Variants in GRID1 observed in about 807,000 individuals in gnomAD.
GRID1 encodes glutamate ionotropic receptor delta type subunit 1, also known as glutamate receptor ionotropic, delta-1.
A neutral mutation model predicts 98.0 loss-of-function variants in GRID1; 28 were observed. The observed-to-expected ratio is 0.29, with a 90% CI of 0.21 to 0.39. The LOEUF (loss-of-function observed/expected upper bound fraction) is 0.39, where lower values mean the gene tolerates loss of function less well. Among genes scored for constraint, GRID1 ranks in the 10% least tolerant of loss-of-function variants. GRID1 has a pLI of 1.00. For missense variants in GRID1, 1,111 were observed against 1,340.5 expected (o/e 0.83, Z 2.67); for synonymous variants, 553 against 538.5 (o/e 1.03, Z -0.37).
intron 8 of GRID1, among the ~76,000 whole-genome samples, chr10:85,778,578 C>A (rs1446460880): frequency 6.6e-6 from 1 of 152,160 alleles, no homozygotes; most frequent in Non-Finnish European, 1.5e-5. Context: ...GAGGAAAAAA[C>A]AAAACAATTT....
At chr10:86,176,325 T>C (rs1845574752) in intron 3 of GRID1, among the ~76,000 whole-genome samples, 1 of 152,038 alleles carries the variant, frequency 6.6e-6, no homozygotes, top group Admixed American at 6.5e-5. Flanking sequence ...AGAACAGAAA[T>C]AGCACAAGGA....
intron 4 of GRID1, among the ~76,000 whole-genome samples, chr10:86,077,869 G>A (rs1412135572): frequency 3.3e-5 from 5 of 152,242 alleles, no homozygotes; most frequent in African/African-American, 1.2e-4. Context: ...GACATTAAGT[G>A]ACTGAAGGGA....
intron 4 of GRID1, among the ~76,000 whole-genome samples, chr10:86,082,630 T>C (rs1168215038): frequency 6.6e-6 from 1 of 151,990 alleles, no homozygotes; most frequent in Non-Finnish European, 1.5e-5. Context: ...GTTCTGGAGG[T>C]GCCCCGTTTC....
chr10:86,035,736 G>A (rs1280688432), intron 4 of GRID1, among the ~76,000 whole-genome samples: 2 of 152,074 alleles, frequency 1.3e-5, no homozygotes, highest in Non-Finnish European at 2.9e-5. Context: ...CAGATAATGA[G>A]CATTAAAGTA....
chr10:86,034,902 G>GTGGATGGA (rs59211171), intron 4 of GRID1, among the ~76,000 whole-genome samples: 5,887 of 143,794 alleles, frequency 0.041, 121 homozygotes, highest in South Asian at 0.055. Context: ...CAATGGATTG[G>GTGGATGGA]TGGATGGATG....
chr10:86,121,885 A>G (rs553992295), intron 4 of GRID1, among the ~76,000 whole-genome samples: 1 of 152,336 alleles, frequency 6.6e-6, no homozygotes, highest in Non-Finnish European at 1.5e-5. Flanking sequence ...AACAACTCCA[A>G]AGGCTAGATA....
At chr10:86,157,223 G>A (rs1343715797) in intron 3 of GRID1, among the ~76,000 whole-genome samples, 2 of 152,168 alleles carry the variant, frequency 1.3e-5, no homozygotes, top group Non-Finnish European at 2.9e-5. Flanking sequence ...TTGAAAACTT[G>A]AGTCCAAACA....
chr10:86,087,593 T>C (rs901417600), intron 4 of GRID1, among the ~76,000 whole-genome samples: 9 of 152,042 alleles, frequency 5.9e-5, no homozygotes, highest in Non-Finnish European at 1.3e-4. Context: ...GCCAGCTCTT[T>C]CTGTTTTCCT....
intron 4 of GRID1, among the ~76,000 whole-genome samples, chr10:86,099,910 T>C (rs973317390): frequency 6.6e-6 from 1 of 151,948 alleles, no homozygotes; most frequent in African/African-American, 2.4e-5. Flanking sequence ...CTGGGAGGGG[T>C]ATCTGGGGCC....
intron 8 of GRID1, among the ~76,000 whole-genome samples, chr10:85,764,739 G>A (rs1842180942): frequency 6.6e-6 from 1 of 152,208 alleles, no homozygotes. Flanking sequence ...AGCTGTTTGT[G>A]AAGCTACAGT....
intron 8 of GRID1, among the ~76,000 whole-genome samples, chr10:85,776,892 T>C (rs1157464700): frequency 3.9e-5 from 6 of 152,180 alleles, no homozygotes; most frequent in Admixed American, 3.9e-4. Flanking sequence ...TAGCCAAGCT[T>C]TCTGGGGACA....
At chr10:85,822,440 CTCA>C (rs1297783044) in intron 8 of GRID1, among the ~76,000 whole-genome samples, 1 of 152,090 alleles carries the variant, frequency 6.6e-6, no homozygotes, top group African/African-American at 2.4e-5. Context: ...TGAAAAAATG[CTCA>C]TCATCACTGG....
chr10:85,970,630 TA>T (rs1482811314), intron 4 of GRID1, among the ~76,000 whole-genome samples: 5 of 152,010 alleles, frequency 3.3e-5, no homozygotes, highest in Admixed American at 3.3e-4. Flanking sequence ...TTTTCATGAT[TA>T]AAAACAACAA....
At chr10:85,640,148 T>G (rs1291730751) in intron 13 of GRID1, among the ~76,000 whole-genome samples, 1 of 152,172 alleles carries the variant, frequency 6.6e-6, no homozygotes, top group Non-Finnish European at 1.5e-5. Context: ...TCAAACTACA[T>G]TTCTTGAATG....
Position 86,366,588 on chromosome 10 carries a change from G to A in GRID1, c.-196C>T. 9.6e-6 allele frequency: 2 copies of A among 209,012 alleles called. No individual in the cohort carries two copies. The highest frequency in any genetic ancestry group is 1.7e-4 in the South Asian group (1 of 6,016). 12.9% of individuals were successfully genotyped at this position (209,012 alleles called of 1,614,324 possible). A position where few individuals can be genotyped will look rare whatever the true frequency, so the allele number is the denominator to read the frequency against. On this transcript the variant is annotated 5_prime_UTR_variant, in exon 1 of 16. Coordinates refer to ENST00000327946, the MANE Select transcript of GRID1 (RefSeq NM_017551.3). This position sits in a 1 kb window ranked among gnomAD's most constrained non-coding sequence, Gnocchi z 4.1. ...CAGCCCAGCCCAGCCCAGCGCGGTCGGGCTCCCGCTCCGGCTCCGGTGGCG... is the reference window on the plus strand; with the variant it reads ...CAGCCCAGCCCAGCCCAGCGCGGTCAGGCTCCCGCTCCGGCTCCGGTGGCG...
chr10:85,980,502 C>A (rs569469665), intron 4 of GRID1, among the ~76,000 whole-genome samples: 5 of 152,216 alleles, frequency 3.3e-5, no homozygotes, highest in African/African-American at 1.2e-4. Flanking sequence ...AGCTCTCAAC[C>A]GCAAATTTCT....
chr10:86,118,115 C>T (rs1241673919), intron 4 of GRID1, among the ~76,000 whole-genome samples: 6 of 151,718 alleles, frequency 4.0e-5, no homozygotes, highest in South Asian at 2.1e-4. Context: ...GATATATATA[C>T]ACACACACAC....
At chr10:86,109,769 C>T (rs1844448365) in intron 4 of GRID1, among the ~76,000 whole-genome samples, 1 of 152,140 alleles carries the variant, frequency 6.6e-6, no homozygotes, top group Non-Finnish European at 1.5e-5. Context: ...GTGATTCTAA[C>T]CTGCAGGCCA....
chr10:86,036,469 C>T (rs1843263338), intron 4 of GRID1, among the ~76,000 whole-genome samples: 1 of 152,186 alleles, frequency 6.6e-6, no homozygotes, highest in Non-Finnish European at 1.5e-5. Flanking sequence ...CAGCCGCAGG[C>T]ACTGTGACCA....
Sources: gnomAD v4.1 joint callset for allele counts (sites outside exome capture counted in the v4.1 genomes callset) on GRCh38, gnomAD v4.1.1 for gene constraint, Gnocchi (gnomAD v3.1) non-coding constraint, MANE v1.5 for transcripts, NCBI Gene and HGNC (gene_info 2026-07-23, HGNC 2026-07-21) for gene names.